FAM163A: variants seen among roughly 807,000 people sequenced by gnomAD.
FAM163A encodes the protein protein FAM163A.
In FAM163A, 7 loss-of-function variants were observed where a neutral mutation model predicts 12.0. That is an observed-to-expected ratio of 0.58 (90% CI 0.33 to 1.10). The LOEUF is 1.10. Among genes scored for constraint, FAM163A ranks in the 50% least tolerant of loss-of-function variants. FAM163A has a pLI of 0.03. For synonymous variants in FAM163A, 101 were observed against 91.0 expected (o/e 1.11, Z -0.62); for missense variants, 202 against 218.6 (o/e 0.92, Z 0.48).
chr1:179,729,822 A>G, the FAM163A span, among the ~76,000 whole-genome samples: 12 of 152,112 alleles, frequency 7.9e-5, no homozygotes, highest in Admixed American at 3.3e-4. Context: ...ATTTTTTTTA[A>G]ACTTCTGTTT....
chr1:179,783,505 AT>A (rs939543706), intron 1 of FAM163A, among the ~76,000 whole-genome samples: 96 of 151,634 alleles, frequency 6.3e-4, no homozygotes, highest in African/African-American at 2.2e-3. Flanking sequence ...CCTTTTTTTT[AT>A]TTTTCCTACC....
intron 1 of FAM163A, among the ~76,000 whole-genome samples, chr1:179,786,862 C>T (rs535749287): frequency 6.6e-6 from 1 of 152,234 alleles, no homozygotes; most frequent in African/African-American, 2.4e-5. Context: ...ATTTCAGGAC[C>T]CAGGAGCCGA....
At chr1:179,740,045 A>G (rs1557878432), upstream of FAM163A, among the ~76,000 whole-genome samples, 1 of 152,248 alleles carries the variant, frequency 6.6e-6, no homozygotes. Flanking sequence ...ACGATCTAGC[A>G]ATAGTTGCCC....
intron 1 of FAM163A, among the ~76,000 whole-genome samples, chr1:179,746,557 G>T (rs1245027343): frequency 2.6e-5 from 4 of 152,078 alleles, no homozygotes; most frequent in African/African-American, 9.7e-5. Context: ...AGAGTCTTAG[G>T]GTATTTGCTT....
chr1:179,806,726 C>G (rs749069349), intron 1 of FAM163A, among the ~76,000 whole-genome samples: 13 of 152,246 alleles, frequency 8.5e-5, no homozygotes, highest in Non-Finnish European at 1.5e-4. Flanking sequence ...GAGCATCACC[C>G]CTACAGGGCA....
At chr1:179,728,798 C>A in the FAM163A span, among the ~76,000 whole-genome samples, 6 of 152,118 alleles carry the variant, frequency 3.9e-5, no homozygotes, top group Admixed American at 3.3e-4. Context: ...GGTAAACTAG[C>A]GGAAGGCAAA....
intron 1 of FAM163A, among the ~76,000 whole-genome samples, chr1:179,767,491 C>A (rs1369959627): frequency 6.6e-6 from 1 of 152,196 alleles, no homozygotes; most frequent in Non-Finnish European, 1.5e-5. Context: ...CTTCACATCC[C>A]CCCGCATGGC....
chr1:179,809,500 A>G (rs1694409385), intron 2 of FAM163A, among the ~76,000 whole-genome samples: 1 of 152,154 alleles, frequency 6.6e-6, no homozygotes, highest in Non-Finnish European at 1.5e-5. Context: ...GGCACAGGTG[A>G]TCCTCGAACC....
intron 1 of FAM163A, among the ~76,000 whole-genome samples, chr1:179,747,346 T>G (rs1318116551): frequency 6.6e-6 from 1 of 152,144 alleles, no homozygotes; most frequent in Non-Finnish European, 1.5e-5. Flanking sequence ...AAGCACCCAT[T>G]TTTGCTGATC....
intron 1 of FAM163A, among the ~76,000 whole-genome samples, chr1:179,788,277 T>C (rs1160046424): frequency 6.6e-6 from 1 of 152,184 alleles, no homozygotes; most frequent in Non-Finnish European, 1.5e-5. Context: ...CACCACCCAC[T>C]CACCTGTTCA....
the FAM163A span, among the ~76,000 whole-genome samples, chr1:179,728,452 G>A: frequency 6.6e-6 from 1 of 152,178 alleles, no homozygotes; most frequent in Non-Finnish European, 1.5e-5. Flanking sequence ...CTTTGGGGGT[G>A]CTGCCAGGCA....
intron 1 of FAM163A, among the ~76,000 whole-genome samples, chr1:179,804,740 T>A (rs1313756415): frequency 6.6e-6 from 1 of 152,064 alleles, no homozygotes; most frequent in Non-Finnish European, 1.5e-5. Context: ...CACATATAAG[T>A]GGGAGCTAAA....
intron 1 of FAM163A, among the ~76,000 whole-genome samples, chr1:179,803,255 G>T (rs1010401464): frequency 2.0e-5 from 3 of 152,220 alleles, no homozygotes; most frequent in Non-Finnish European, 4.4e-5. Context: ...ATCAGCTGGT[G>T]CTTAGGCCCC....
At chr1:179,780,381 A>G (rs972939703) in intron 1 of FAM163A, among the ~76,000 whole-genome samples, 10 of 152,246 alleles carry the variant, frequency 6.6e-5, no homozygotes, top group African/African-American at 2.4e-4. Context: ...TAGAAATACA[A>G]CAGTGTTATT....
At chr1:179,728,770 G>T in the FAM163A span, among the ~76,000 whole-genome samples, 1 of 152,092 alleles carries the variant, frequency 6.6e-6, no homozygotes, top group Non-Finnish European at 1.5e-5. Flanking sequence ...TAAAGCTATT[G>T]GTTTAATCTA....
chr1:179,769,663 G>A (rs1687991130), intron 1 of FAM163A, among the ~76,000 whole-genome samples: 2 of 152,176 alleles, frequency 1.3e-5, no homozygotes, highest in Non-Finnish European at 2.9e-5. Context: ...ACCAGCAGAT[G>A]TATGTAGCCC....
intron 1 of FAM163A, among the ~76,000 whole-genome samples, chr1:179,755,924 C>G (rs1685959985): frequency 6.6e-6 from 1 of 152,196 alleles, no homozygotes; most frequent in East Asian, 1.9e-4. Flanking sequence ...CTTGCTGACA[C>G]TGAGGATAGG....
intron 1 of FAM163A, among the ~76,000 whole-genome samples, chr1:179,745,038 C>CAGTA (rs1259002028): frequency 1.3e-5 from 2 of 152,206 alleles, no homozygotes; most frequent in African/African-American, 4.8e-5. Flanking sequence ...GGGGAAGGAA[C>CAGTA]AGTAAAGGTA....
chr1:179,740,683 A>C (rs900383317), upstream of FAM163A, among the ~76,000 whole-genome samples: 3 of 152,214 alleles, frequency 2.0e-5, no homozygotes, highest in Non-Finnish European at 4.4e-5. Flanking sequence ...AAAATGTACC[A>C]TTTTACATTT....
Sources: allele counts gnomAD v4.1 joint callset (sites outside exome capture counted in the v4.1 genomes callset), GRCh38; gene constraint gnomAD v4.1.1; transcripts MANE v1.5; gene names NCBI Gene and HGNC (gene_info 2026-07-23, HGNC 2026-07-21).